RIMS2: variants seen among roughly 807,000 people sequenced by gnomAD.
RIMS2 encodes regulating synaptic membrane exocytosis 2.
RIMS2 carries 59 observed loss-of-function variants against 174.4 expected under a neutral mutation model. The ratio of observed to expected loss-of-function variants is 0.34; its 90% CI spans 0.27 to 0.42. RIMS2 has a LOEUF of 0.42. Among genes scored for constraint, RIMS2 ranks in the 10% least tolerant of loss-of-function variants. The pLI is 1.00. For synonymous variants in RIMS2, 606 were observed against 572.5 expected (o/e 1.06, Z -0.84); for missense variants, 1,620 against 1,666.3 (o/e 0.97, Z 0.48).
At chr8:103,842,936 G>T (rs78912911) in intron 3 of RIMS2, among the ~76,000 whole-genome samples, 4 of 152,074 alleles carry the variant, frequency 2.6e-5, no homozygotes, top group Non-Finnish European at 1.5e-5. Flanking sequence ...CTGCCTTCTC[G>T]CTGTGTCTTC....
chr8:103,863,331 T>C lies in RIMS2; in HGVS notation c.699-21967T>C, dbSNP rs542209581. Among the ~76,000 whole-genome samples the C allele has an allele frequency of 2.0e-5, 3 of 151,920 alleles. No individual in the cohort carries two copies. In the South Asian group the frequency reaches 6.2e-4, roughly 32 times the overall value. On this transcript the variant is annotated intron_variant, in intron 3 of 23. Transcript: ENST00000504942. ...GAATAAAGCCAACCTGATTGTGGTG[T>C]ATTAATTTTTTTTGGTTTGCTAGTA...
rs572985910 is a variant in RIMS2 at position 104,180,040 on chromosome 8, A to G, written c.3335-64876A>G. Among the ~76,000 whole-genome samples the G allele has an allele frequency of 4.6e-5, 7 of 151,934 alleles. No individual in the cohort carries two copies. In the South Asian group the frequency reaches 1.5e-3, roughly 31 times the overall value. On this transcript the variant is annotated intron_variant, in intron 19 of 23. Transcript: ENST00000504942. ...TTTACATGTCAGTACATAAAGATCT[A>G]TCTCATCTTTCAGGGAACTCTGTTG... is the stretch of plus-strand genomic sequence containing the variant.
intron 1 of RIMS2, among the ~76,000 whole-genome samples, chr8:103,639,511 C>T (rs1039297654): frequency 5.3e-5 from 8 of 151,908 alleles, no homozygotes; most frequent in Admixed American, 3.9e-4. Flanking sequence ...ATAGTTTTGC[C>T]TTTCCCAGAA....
chr8:103,866,573 C>T (rs991939320), intron 3 of RIMS2, among the ~76,000 whole-genome samples: 2 of 152,040 alleles, frequency 1.3e-5, no homozygotes, highest in Non-Finnish European at 2.9e-5. Flanking sequence ...TTCAGAGACT[C>T]CAATTTTGCT....
At chr8:103,678,707 G>T (rs79067522) in intron 1 of RIMS2, among the ~76,000 whole-genome samples, 18,937 of 151,952 alleles carry the variant, frequency 0.12, 1,277 homozygotes, top group Middle Eastern at 0.22. Context: ...TTGACAGCCT[G>T]TTGAAGCCTA....
At chr8:103,966,038 G>T (rs1360806976) in intron 15 of RIMS2, among the ~76,000 whole-genome samples, 1 of 152,040 alleles carries the variant, frequency 6.6e-6, no homozygotes, top group African/African-American at 2.4e-5. Context: ...TGGATTCAGT[G>T]TGCTAACATT....
At chr8:104,197,877 A>G (rs1160203254) in intron 19 of RIMS2, among the ~76,000 whole-genome samples, 1 of 152,032 alleles carries the variant, frequency 6.6e-6, no homozygotes, top group African/African-American at 2.4e-5. Context: ...TAGCCATCAC[A>G]TTTTTTGTGT....
intron 2 of RIMS2, among the ~76,000 whole-genome samples, chr8:103,744,256 G>T (rs954164288): frequency 6.6e-6 from 1 of 151,926 alleles, no homozygotes. Context: ...ATGTTAGCCG[G>T]GATGGTCTCG....
chr8:103,849,728 A>G (rs1313149824), intron 3 of RIMS2, among the ~76,000 whole-genome samples: 2 of 151,998 alleles, frequency 1.3e-5, no homozygotes, highest in African/African-American at 4.8e-5. Context: ...GCCAACACTT[A>G]TAGCAGCTGC....
chr8:104,211,450 G>A (rs940419787), intron 19 of RIMS2, among the ~76,000 whole-genome samples: 1 of 152,088 alleles, frequency 6.6e-6, no homozygotes, highest in Non-Finnish European at 1.5e-5. Context: ...TACGACTTGT[G>A]ATAAAATTAG....
At chr8:103,610,602 T>C (rs984052903) in intron 1 of RIMS2, among the ~76,000 whole-genome samples, 4 of 152,084 alleles carry the variant, frequency 2.6e-5, no homozygotes, top group African/African-American at 9.7e-5. Flanking sequence ...GTGCTTTGTT[T>C]ATAGTCCTGT....
chr8:103,569,482 A>T (rs2092644397), intron 1 of RIMS2, among the ~76,000 whole-genome samples: 1 of 152,122 alleles, frequency 6.6e-6, no homozygotes, highest in African/African-American at 2.4e-5. Context: ...AAGTTTTGTG[A>T]CTTATGGACA....
At chr8:103,689,709 G>A (rs2096989103) in intron 1 of RIMS2, among the ~76,000 whole-genome samples, 1 of 151,864 alleles carries the variant, frequency 6.6e-6, no homozygotes, top group Non-Finnish European at 1.5e-5. Context: ...TTTGCAATAG[G>A]AAATCACGTG....
At chr8:103,679,426 G>T (rs1451664573) in intron 1 of RIMS2, among the ~76,000 whole-genome samples, 5 of 151,928 alleles carry the variant, frequency 3.3e-5, no homozygotes, top group African/African-American at 1.2e-4. Flanking sequence ...AGTGGCAAGT[G>T]TTGGAAATCC....
chr8:103,949,642 A>G (rs1386768506), intron 14 of RIMS2, among the ~76,000 whole-genome samples: 2 of 152,176 alleles, frequency 1.3e-5, no homozygotes, highest in Non-Finnish European at 2.9e-5. Context: ...CTAAAGCAGA[A>G]CAGTAGGGAA....
At chr8:103,756,412 C>G (rs2098008237) in intron 2 of RIMS2, among the ~76,000 whole-genome samples, 1 of 141,656 alleles carries the variant, frequency 7.1e-6, no homozygotes, top group Non-Finnish European at 1.5e-5. Context: ...TTGCAGGACT[C>G]TTGTATATTA....
chr8:104,192,326 A>T (rs1474153022), intron 19 of RIMS2, among the ~76,000 whole-genome samples: 1 of 152,034 alleles, frequency 6.6e-6, no homozygotes, highest in Non-Finnish European at 1.5e-5. Context: ...ATTATTATAA[A>T]CTCTGAAAGG....
At chr8:103,686,769 AT>A (rs1007701634) in intron 1 of RIMS2, among the ~76,000 whole-genome samples, 10 of 151,144 alleles carry the variant, frequency 6.6e-5, no homozygotes, top group Admixed American at 1.3e-4. Flanking sequence ...TATCTTTGTA[AT>A]TTTTTTTTAA....
chr8:103,533,859 T>TC (rs545947091), intron 1 of RIMS2, among the ~76,000 whole-genome samples: 2 of 152,162 alleles, frequency 1.3e-5, no homozygotes, highest in South Asian at 4.1e-4. Context: ...TGTTACTGAG[T>TC]CACTAGTGTC....
Sources: allele counts gnomAD v4.1 joint callset (sites outside exome capture counted in the v4.1 genomes callset), GRCh38; gene constraint gnomAD v4.1.1; transcripts MANE v1.5; gene names NCBI Gene and HGNC (gene_info 2026-07-23, HGNC 2026-07-21).